Variants in DRC8 observed in about 807,000 individuals in gnomAD.
The protein encoded by DRC8 is dynein regulatory complex subunit 8, also known as dynein regulatory complex protein 8.
the DRC8 span, among the ~76,000 whole-genome samples, chr1:244,978,153 T>C: frequency 4.5e-4 from 68 of 152,346 alleles, no homozygotes; most frequent in Admixed American, 7.8e-4. Context: ...TTTATAGATA[T>C]TAAGACTGTA....
At chr1:245,052,684 G>A in the DRC8 span, among the ~76,000 whole-genome samples, 1 of 152,208 alleles carries the variant, frequency 6.6e-6, no homozygotes, top group Admixed American at 6.5e-5. Flanking sequence ...AATAGAGGGG[G>A]CCTCTGGGGA....
chr1:245,103,935 C>T, the DRC8 span, among the ~76,000 whole-genome samples: 2 of 152,098 alleles, frequency 1.3e-5, no homozygotes, highest in South Asian at 2.1e-4. Flanking sequence ...GGAGAGTGGG[C>T]TTAGGGATAA....
At chr1:245,065,073 C>CTTTTTTTCTTTTT in the DRC8 span, among the ~76,000 whole-genome samples, 1 of 81,566 alleles carries the variant, frequency 1.2e-5, no homozygotes, top group Admixed American at 1.7e-4. Flanking sequence ...TAACATTCTT[C>CTTTTTTTCTTTTT]TTTTTTTTTT....
At chr1:245,073,645 A>G in the DRC8 span, among the ~76,000 whole-genome samples, 1 of 151,686 alleles carries the variant, frequency 6.6e-6, no homozygotes, top group Non-Finnish European at 1.5e-5. Flanking sequence ...AGATGTTCAC[A>G]GTGTTAAGTA....
At chr1:245,087,706 A>C in the DRC8 span, 22 of 1,018,312 alleles carry the variant, frequency 2.2e-5, no homozygotes, top group Non-Finnish European at 2.6e-5. Context: ...GCATGTAAAG[A>C]TCTTAAGAGG....
chr1:244,994,952 A>G, the DRC8 span, among the ~76,000 whole-genome samples: 1 of 152,222 alleles, frequency 6.6e-6, no homozygotes, highest in Non-Finnish European at 1.5e-5. Context: ...TTTTCTTGCC[A>G]TCTGGAGATC....
At chr1:244,994,327 A>G in the DRC8 span, among the ~76,000 whole-genome samples, 1 of 152,206 alleles carries the variant, frequency 6.6e-6, no homozygotes, top group Non-Finnish European at 1.5e-5. Context: ...TCTCCCACGA[A>G]TCTTATTGTC....
chr1:244,999,227 GAA>G, the DRC8 span, among the ~76,000 whole-genome samples: 1 of 132,548 alleles, frequency 7.5e-6, no homozygotes, highest in Admixed American at 7.6e-5. Context: ...TAAGCCTCCT[GAA>G]AAAAAAAAAA....
chr1:244,990,457 T>C, the DRC8 span, among the ~76,000 whole-genome samples: 4 of 152,328 alleles, frequency 2.6e-5, no homozygotes, highest in Admixed American at 2.6e-4. Flanking sequence ...CCCTCGTGGA[T>C]AAGGGGAGAC....
the DRC8 span, chr1:245,082,227 G>C: frequency 7.0e-7 from 1 of 1,437,456 alleles, no homozygotes; most frequent in African/African-American, 1.4e-5. Context: ...ATTCATTTCA[G>C]GACGCTTGGC....
At chr1:245,084,073 G>A in the DRC8 span, among the ~76,000 whole-genome samples, 2 of 17,080 alleles carry the variant, frequency 1.2e-4, no homozygotes, top group Non-Finnish European at 3.2e-4. Context: ...CCCCCCCCCC[G>A]GCGCCCCGGC....
the DRC8 span, among the ~76,000 whole-genome samples, chr1:245,070,176 AC>A: frequency 1.3e-5 from 2 of 152,244 alleles, no homozygotes; most frequent in Non-Finnish European, 2.9e-5. Context: ...GAACCAATCC[AC>A]CATGGATACA....
the DRC8 span, among the ~76,000 whole-genome samples, chr1:245,105,980 G>A: frequency 1.3e-5 from 2 of 152,174 alleles, no homozygotes; most frequent in Middle Eastern, 3.2e-3. Flanking sequence ...TGAGGAGGCC[G>A]AGGCAGGAGG....
chr1:245,105,471 T>A, the DRC8 span, among the ~76,000 whole-genome samples: 809 of 151,338 alleles, frequency 5.3e-3, 11 homozygotes, highest in African/African-American at 0.018. Flanking sequence ...ATAGAAAAAT[T>A]AGCCAGGCAT....
chr1:245,058,758 A>G, the DRC8 span, among the ~76,000 whole-genome samples: 1 of 152,242 alleles, frequency 6.6e-6, no homozygotes. Context: ...GGAGAGGTGA[A>G]TAACTCATAT....
chr1:245,037,792 T>C, the DRC8 span, among the ~76,000 whole-genome samples: 13 of 152,088 alleles, frequency 8.5e-5, no homozygotes, highest in Non-Finnish European at 1.6e-4. Flanking sequence ...TGCTAAAGTA[T>C]AGTAGGGAAT....
the DRC8 span, among the ~76,000 whole-genome samples, chr1:244,990,721 C>T: frequency 3.2e-4 from 49 of 152,118 alleles, no homozygotes; most frequent in South Asian, 4.1e-4. Flanking sequence ...CTGCAACCTC[C>T]GCCTCCCAGG....
chr1:245,062,784 G>C, the DRC8 span, among the ~76,000 whole-genome samples: 1 of 152,026 alleles, frequency 6.6e-6, no homozygotes, highest in African/African-American at 2.4e-5. Flanking sequence ...CATCTGTTTT[G>C]CTCCTAAGCG....
At chr1:245,059,665 G>A in the DRC8 span, among the ~76,000 whole-genome samples, 1 of 152,094 alleles carries the variant, frequency 6.6e-6, no homozygotes, top group Admixed American at 6.5e-5. Flanking sequence ...CTATGAACAA[G>A]TAACACAACT....
Sources: allele counts gnomAD v4.1 joint callset (sites outside exome capture counted in the v4.1 genomes callset), GRCh38; gene constraint gnomAD v4.1.1; transcripts MANE v1.5; gene names NCBI Gene and HGNC (gene_info 2026-07-23, HGNC 2026-07-21).